CACNA1E: variants seen among roughly 807,000 people sequenced by gnomAD.
CACNA1E encodes the protein calcium voltage-gated channel subunit alpha1 E.
Under a neutral mutation model 259.2 loss-of-function variants are expected in CACNA1E, and 40 were observed. The observed-to-expected ratio is 0.15, with a 90% CI of 0.12 to 0.20. The LOEUF (loss-of-function observed/expected upper bound fraction) is 0.20, where lower values mean the gene tolerates loss of function less well. Among genes scored for constraint, CACNA1E ranks in the 10% least tolerant of loss-of-function variants. CACNA1E has a pLI of 1.00. For missense variants in CACNA1E, 1,874 were observed against 3,040.1 expected (o/e 0.62, Z 9.02); for synonymous variants, 1,104 against 1,138.5 (o/e 0.97, Z 0.61).
intron 1 of CACNA1E, among the ~76,000 whole-genome samples, chr1:181,348,006 C>T (rs1225270914): frequency 1.3e-5 from 2 of 152,256 alleles, no homozygotes; most frequent in Non-Finnish European, 2.9e-5. Flanking sequence ...AAAGGATCCT[C>T]TCTGGGAGTG....
chr1:181,516,796 C>T (rs1182729900), intron 3 of CACNA1E, among the ~76,000 whole-genome samples: 5 of 152,186 alleles, frequency 3.3e-5, no homozygotes, highest in Non-Finnish European at 7.3e-5. Flanking sequence ...GTAATATTGT[C>T]TATTTTCCTA....
In CACNA1E at chr1:181,405,032, G is replaced by A. The variant is rs915450901; in HGVS notation, c.-14-8101G>A. ...CCCTACTTAGAGCTGCAGCATGAGG[G>A]GTTGCCCCTGGGCTAGTACCTTTGA... On this transcript the variant is annotated intron_variant, in intron 1 of 11. Transcript: ENST00000524607. Among the ~76,000 whole-genome samples the A allele has an allele frequency of 2.0e-5, 3 of 152,214 alleles. 1 individual carries two copies. The highest frequency in any genetic ancestry group is 4.1e-4 in the South Asian group (2 of 4,832).
chr1:181,796,896 CAG>C, intron 47 of CACNA1E, 38 bp downstream of exon 47: 3 of 1,471,166 alleles, frequency 2.0e-6, no homozygotes, highest in Non-Finnish European at 2.8e-6. Flanking sequence ...AGCAGAAGGA[CAG>C]GGGAGGGTGG....
chr1:181,779,365 C>T (rs1048316609), intron 38 of CACNA1E: 2 of 326,290 alleles, frequency 6.1e-6, no homozygotes, highest in South Asian at 2.5e-5. Context: ...TTTCAGCCAT[C>T]CTCTTCATGG....
chr1:181,575,777 C>T (rs1393204366), intron 3 of CACNA1E, among the ~76,000 whole-genome samples: 1 of 152,194 alleles, frequency 6.6e-6, no homozygotes, highest in Non-Finnish European at 1.5e-5. Context: ...GAGTCTCCCA[C>T]CTGGGCAGCA....
intron 6 of CACNA1E, among the ~76,000 whole-genome samples, chr1:181,625,922 T>A (rs192405019): frequency 6.6e-6 from 1 of 152,290 alleles, no homozygotes; most frequent in East Asian, 1.9e-4. Context: ...ACTTGAACAC[T>A]TAGAGGCCAT....
At chr1:181,646,183 C>G (rs1369484777) in intron 6 of CACNA1E, among the ~76,000 whole-genome samples, 4 of 152,248 alleles carry the variant, frequency 2.6e-5, no homozygotes, top group Non-Finnish European at 5.9e-5. Flanking sequence ...CCGAAGATCT[C>G]TCCTCGAGAT....
intron 39 of CACNA1E, among the ~76,000 whole-genome samples, chr1:181,782,227 T>G (rs771732753): frequency 6.6e-6 from 1 of 152,276 alleles, no homozygotes; most frequent in Non-Finnish European, 1.5e-5. Context: ...AGCATTAAAT[T>G]TGACTTACTG....
At chr1:181,739,567 A>C (rs1656371004) in intron 25 of CACNA1E, among the ~76,000 whole-genome samples, 2 of 152,208 alleles carry the variant, frequency 1.3e-5, no homozygotes, top group African/African-American at 4.8e-5. Flanking sequence ...GTTTCCATGC[A>C]TTCAGCAATG....
At chr1:181,623,695 T>C (rs1655933278) in intron 6 of CACNA1E, among the ~76,000 whole-genome samples, 2 of 152,232 alleles carry the variant, frequency 1.3e-5, no homozygotes, top group Admixed American at 1.3e-4. Context: ...TATTGTAGTC[T>C]ATTAAGTGTG....
At chr1:181,751,695 A>G (rs867348394) in intron 26 of CACNA1E, among the ~76,000 whole-genome samples, 3 of 152,212 alleles carry the variant, frequency 2.0e-5, no homozygotes, top group Non-Finnish European at 4.4e-5. Context: ...TTGAGAACCT[A>G]TCATTTGACA....
At chr1:181,575,858 G>A (rs1650917464) in intron 3 of CACNA1E, among the ~76,000 whole-genome samples, 1 of 152,018 alleles carries the variant, frequency 6.6e-6, no homozygotes, top group African/African-American at 2.4e-5. Flanking sequence ...CTTTTTTGTG[G>A]TTCTCTATCT....
At chr1:181,543,676 A>T (rs1668766264) in intron 3 of CACNA1E, among the ~76,000 whole-genome samples, 1 of 152,232 alleles carries the variant, frequency 6.6e-6, no homozygotes. Flanking sequence ...ACTTTGAGAA[A>T]TAAATTTCTG....
At chr1:181,372,935 A>T (rs1654812034) in intron 1 of CACNA1E, among the ~76,000 whole-genome samples, 1 of 151,870 alleles carries the variant, frequency 6.6e-6, no homozygotes, top group South Asian at 2.1e-4. Context: ...GTAATGAATC[A>T]CGTTTATTGA....
chr1:181,369,695 A>G (rs890203743), intron 1 of CACNA1E, among the ~76,000 whole-genome samples: 1 of 152,184 alleles, frequency 6.6e-6, no homozygotes, highest in African/African-American at 2.4e-5. Flanking sequence ...TCCCTTCTGT[A>G]TGCCGTCAAG....
intron 7 of CACNA1E, among the ~76,000 whole-genome samples, chr1:181,655,216 G>A (rs1659113347): frequency 6.6e-6 from 1 of 152,024 alleles, no homozygotes; most frequent in African/African-American, 2.4e-5. Flanking sequence ...GGTAGGTATG[G>A]AGGTAAAAGA....
At chr1:181,709,024 T>C (rs1264432855) in intron 7 of CACNA1E, among the ~76,000 whole-genome samples, 2 of 151,980 alleles carry the variant, frequency 1.3e-5, no homozygotes, top group Non-Finnish European at 2.9e-5. Context: ...AAGGATGAGA[T>C]CATGGATCAA....
chr1:181,610,513 A>G (rs955121360), intron 6 of CACNA1E, among the ~76,000 whole-genome samples: 3 of 152,226 alleles, frequency 2.0e-5, no homozygotes, highest in African/African-American at 7.2e-5. Context: ...GACATGCTGA[A>G]TATTATTAAT....
chr1:181,719,716 T>C (rs901346255), intron 12 of CACNA1E, 35 bp from the exon 13 acceptor site: 14 of 1,197,100 alleles, frequency 1.2e-5, no homozygotes, highest in Non-Finnish European at 1.7e-5. Context: ...CTCCTCTTCC[T>C]CCTCCTCTCA....
Sources: gnomAD v4.1 joint callset for allele counts (sites outside exome capture counted in the v4.1 genomes callset) on GRCh38, gnomAD v4.1.1 for gene constraint, MANE v1.5 for transcripts, NCBI Gene and HGNC (gene_info 2026-07-23, HGNC 2026-07-21) for gene names.